DCC: variants seen among roughly 807,000 people sequenced by gnomAD.
The protein encoded by DCC is DCC netrin 1 receptor.
In DCC, 58 loss-of-function variants were observed where a neutral mutation model predicts 172.5. The ratio of observed to expected loss-of-function variants is 0.34; its 90% CI spans 0.27 to 0.42. The LOEUF (loss-of-function observed/expected upper bound fraction) is 0.42. Among genes scored for constraint, DCC ranks in the 10% least tolerant of loss-of-function variants. The probability of loss-of-function intolerance (pLI) is 1.00; values close to 1 mark genes in which losing one functional copy is unlikely to be tolerated. For missense variants in DCC, 1,740 were observed against 1,791.0 expected (o/e 0.97, Z 0.51); for synonymous variants, 709 against 644.5 (o/e 1.10, Z -1.52).
chr18:52,558,132 G>T (rs2144734703), intron 1 of DCC, among the ~76,000 whole-genome samples: 1 of 151,948 alleles, frequency 6.6e-6, no homozygotes, highest in Non-Finnish European at 1.5e-5. Flanking sequence ...GTTTCTTCAT[G>T]TAGACATAAC....
At chr18:53,096,978 A>G (rs2043097402) in intron 7 of DCC, among the ~76,000 whole-genome samples, 1 of 152,132 alleles carries the variant, frequency 6.6e-6, no homozygotes, top group Non-Finnish European at 1.5e-5. Context: ...ACATCAAAAG[A>G]AAGAAAGAAG....
chr18:53,022,024 T>C (rs2041888630), intron 5 of DCC, among the ~76,000 whole-genome samples: 1 of 152,212 alleles, frequency 6.6e-6, no homozygotes, highest in Admixed American at 6.5e-5. Flanking sequence ...TTGTCAGCTG[T>C]TTCCAGGTTA....
At chr18:52,926,973 A>ATC (rs1401333481) in intron 5 of DCC, among the ~76,000 whole-genome samples, 35 of 142,398 alleles carry the variant, frequency 2.5e-4, no homozygotes, top group Admixed American at 1.1e-3. Flanking sequence ...GGATATATAT[A>ATC]CATATATATG....
At position 52,953,777 on chromosome 18, in the gene DCC, G is replaced by A. The variant is rs556742543; in HGVS notation, c.985+28407G>A. Among the ~76,000 whole-genome samples, 7 of 152,328 alleles carry A rather than the reference G, an allele frequency of 4.6e-5. No homozygotes were observed. In the East Asian group the frequency reaches 1.4e-3, roughly 29 times the overall value. On this transcript the variant is annotated intron_variant, in intron 5 of 28. Coordinates refer to ENST00000442544, the MANE Select transcript of DCC (RefSeq NM_005215.4). ...TAAAGGGCTCAAACACTATGAAAGA[G>A]ATGAAGGTGCATCAGCTGACATTAC...
intron 1 of DCC, among the ~76,000 whole-genome samples, chr18:52,671,580 C>T (rs1003357530): frequency 8.1e-5 from 12 of 149,062 alleles, no homozygotes; most frequent in African/African-American, 2.7e-4. Flanking sequence ...CTGTCACCCA[C>T]CCCGGCTGGA....
intron 13 of DCC, among the ~76,000 whole-genome samples, chr18:53,318,841 G>T (rs1294108804): frequency 6.9e-6 from 1 of 145,104 alleles, no homozygotes; most frequent in Non-Finnish European, 1.5e-5. Flanking sequence ...TGAAAGAAAA[G>T]ATGTTAAGGG....
At chr18:52,874,423 C>T (rs1029273060) in intron 2 of DCC, among the ~76,000 whole-genome samples, 1 of 152,034 alleles carries the variant, frequency 6.6e-6, no homozygotes, top group African/African-American at 2.4e-5. Flanking sequence ...ATGTTAGTTA[C>T]CATAAAGGTA....
rs569514579 is a variant in DCC, at chr18:53,192,391, A to G, written c.1574-12825A>G. 7.9e-5 allele frequency among the ~76,000 whole-genome samples: 12 copies of G among 152,244 alleles called. 1 individual carries two copies. The South Asian group carries it at 2.1e-3, about 26-fold the overall frequency. On this transcript the variant is annotated intron_variant, in intron 9 of 28. Coordinates refer to ENST00000442544, the MANE Select transcript of DCC (RefSeq NM_005215.4). ...AAGAGTGAGAAAAATTCCTCAATGT[A>G]CATATACATTGCTCAGAAAAAAAGT...
At chr18:53,093,651 T>C (rs1194511011) in intron 7 of DCC, among the ~76,000 whole-genome samples, 1 of 152,226 alleles carries the variant, frequency 6.6e-6, no homozygotes, top group East Asian at 1.9e-4. Context: ...TAATTTATCT[T>C]CTCATCAATA....
intron 12 of DCC, among the ~76,000 whole-genome samples, chr18:53,231,197 A>G (rs1425546027): frequency 6.6e-6 from 1 of 152,024 alleles, no homozygotes; most frequent in Non-Finnish European, 1.5e-5. Context: ...CATTGATGGG[A>G]AGTGATGCTT....
intron 7 of DCC, among the ~76,000 whole-genome samples, chr18:53,099,823 A>G (rs2043137942): frequency 6.6e-6 from 1 of 151,930 alleles, no homozygotes; most frequent in Non-Finnish European, 1.5e-5. Flanking sequence ...TCTAAATAAG[A>G]GTTGTCAACA....
chr18:52,845,253 A>G (rs2038866844), intron 2 of DCC, among the ~76,000 whole-genome samples: 1 of 152,236 alleles, frequency 6.6e-6, no homozygotes, highest in African/African-American at 2.4e-5. Flanking sequence ...GAGCTGCCCA[A>G]TCAGCTTACT....
intron 1 of DCC, among the ~76,000 whole-genome samples, chr18:52,736,835 G>T (rs1309407717): frequency 6.6e-6 from 1 of 151,416 alleles, no homozygotes; most frequent in African/African-American, 2.5e-5. Context: ...AAGAGTGGAA[G>T]CAGGTGGATA....
intron 12 of DCC, among the ~76,000 whole-genome samples, chr18:53,295,212 T>G (rs549541577): frequency 1.3e-5 from 2 of 152,182 alleles, no homozygotes; most frequent in African/African-American, 4.8e-5. Flanking sequence ...GATCTCAACT[T>G]TAGTATTCTA....
At chr18:52,714,833 GAT>G (rs2036352294) in intron 1 of DCC, among the ~76,000 whole-genome samples, 1 of 152,076 alleles carries the variant, frequency 6.6e-6, no homozygotes, top group East Asian at 1.9e-4. Flanking sequence ...AAATGTTACG[GAT>G]ATAAAAGATG....
At chr18:53,176,772 G>A (rs1473114223) in intron 8 of DCC, among the ~76,000 whole-genome samples, 5 of 151,526 alleles carry the variant, frequency 3.3e-5, no homozygotes, top group Non-Finnish European at 7.4e-5. Flanking sequence ...TCAGTGTGGC[G>A]ATTCCTCAGG....
intron 2 of DCC, among the ~76,000 whole-genome samples, chr18:52,856,301 T>A (rs997727069): frequency 7.9e-5 from 12 of 152,088 alleles, no homozygotes; most frequent in Non-Finnish European, 1.2e-4. Flanking sequence ...TTTATGGAAC[T>A]TAAGATGATA....
intron 15 of DCC, among the ~76,000 whole-genome samples, chr18:53,382,051 CT>C (rs753334428): frequency 7.1e-6 from 1 of 141,000 alleles, no homozygotes; most frequent in Non-Finnish European, 1.5e-5. Context: ...TCTTTTCTCT[CT>C]CTCTCTGATT....
chr18:52,648,372 A>G (rs1159061003), intron 1 of DCC, among the ~76,000 whole-genome samples: 1 of 152,218 alleles, frequency 6.6e-6, no homozygotes, highest in African/African-American at 2.4e-5. Flanking sequence ...TCCTCAAAGA[A>G]TCTCTTAGAT....
Sources: allele counts gnomAD v4.1 joint callset (sites outside exome capture counted in the v4.1 genomes callset), GRCh38; gene constraint gnomAD v4.1.1; transcripts MANE v1.5; gene names NCBI Gene and HGNC (gene_info 2026-07-23, HGNC 2026-07-21).